The following HYAL4 variants were observed in gnomAD, a reference collection of about 807,000 sequenced individuals.
HYAL4 encodes hyaluronidase 4.
In HYAL4, 37 loss-of-function variants were observed where a neutral mutation model predicts 35.2. That is an observed-to-expected ratio of 1.05 (90% CI 0.81 to 1.38). The LOEUF is 1.38. HYAL4 is among the 40% of genes most tolerant of loss of function. The probability of loss-of-function intolerance (pLI) is 0.00; values close to 1 mark genes in which losing one functional copy is unlikely to be tolerated. For synonymous variants in HYAL4, 198 were observed against 203.2 expected, an observed-to-expected ratio of 0.97 and a Z score of 0.22; for missense variants, 572 against 572.4, an observed-to-expected ratio of 1.00 and a Z score of 0.01.
In HYAL4 at chr7:123,868,810, A is replaced by C; in HGVS notation, c.537A>C (p.Ser179=). ...KLISDMGKNV[S]ATDIEYLAKV... Reference sequence around the variant, plus strand: ...TTTCCGATATGGGAAAGAATGTATCAGCTACCGATATTGAATATTTAGCCA... The same window carrying C: ...TTTCCGATATGGGAAAGAATGTATCCGCTACCGATATTGAATATTTAGCCA... Residue 179 remains serine (S), a synonymous_variant, in exon 3 of 5, where the codon TCA becomes TCC. Coordinates refer to ENST00000223026, the MANE Select transcript of HYAL4 (RefSeq NM_012269.3). 1 of 1,614,230 alleles carries C rather than the reference A, an allele frequency of 6.2e-7. No individual in the cohort carries two copies. Among genetic ancestry groups the C allele is most frequent in the South Asian group, 1.1e-5 (1 of 91,088 alleles).
chr7:123,787,422 T>C, the HYAL4 span, among the ~76,000 whole-genome samples: 2 of 152,194 alleles, frequency 1.3e-5, no homozygotes, highest in African/African-American at 4.8e-5. Context: ...GTGGCCTGTT[T>C]GAAGGTAGGC....
At chr7:123,790,675 G>C in the HYAL4 span, 1 of 144,842 alleles carries the variant, frequency 6.9e-6, no homozygotes, top group Non-Finnish European at 1.5e-5. Flanking sequence ...TCTCTGTATC[G>C]TTCCAATTTT....
chr7:123,839,962 A>G (rs549895774), intron 1 of HYAL4, among the ~76,000 whole-genome samples: 2 of 151,892 alleles, frequency 1.3e-5, no homozygotes, highest in Admixed American at 6.6e-5. Context: ...ATGGTAGTTT[A>G]TTTTGCCATG....
the HYAL4 span, among the ~76,000 whole-genome samples, chr7:123,800,493 A>C: frequency 6.6e-6 from 1 of 150,776 alleles, no homozygotes; most frequent in African/African-American, 2.4e-5. Context: ...AAAAAAAAAA[A>C]AATTAAAAAA....
chr7:123,778,175 ATC>A, the HYAL4 span, among the ~76,000 whole-genome samples: 1 of 151,622 alleles, frequency 6.6e-6, no homozygotes, highest in Admixed American at 6.6e-5. Context: ...CTATCTATCT[ATC>A]TATCTATCTA....
the HYAL4 span, among the ~76,000 whole-genome samples, chr7:123,778,081 A>G: frequency 6.6e-6 from 1 of 152,092 alleles, no homozygotes; most frequent in Non-Finnish European, 1.5e-5. Context: ...ACTCCTATAT[A>G]CCTTTCAAGC....
chr7:123,786,749 T>TCTATCTAG, the HYAL4 span, among the ~76,000 whole-genome samples: 6 of 151,684 alleles, frequency 4.0e-5, no homozygotes, highest in African/African-American at 1.5e-4. Flanking sequence ...TATCTATCTA[T>TCTATCTAG]CTATCTTTCA....
the HYAL4 span, among the ~76,000 whole-genome samples, chr7:123,790,001 T>C: frequency 6.6e-6 from 1 of 152,094 alleles, no homozygotes. Context: ...GGCTGTTAGG[T>C]AGGGAAAATT....
chr7:123,871,822 C>T, intron 3 of HYAL4, among the ~76,000 whole-genome samples: 1 of 152,084 alleles, frequency 6.6e-6, no homozygotes, highest in African/African-American at 2.4e-5. Flanking sequence ...TTTTAACAGC[C>T]ATCAAAGCCT....
Position 123,836,641 on chromosome 7 carries a change from CT to C in HYAL4, c.-257+7527del, listed in dbSNP as rs71163705. 2.2e-3 allele frequency among the ~76,000 whole-genome samples: 325 copies of C among 150,250 alleles called. 4 individuals are homozygous for C. The Middle Eastern group carries it at 0.031, about 14-fold the overall frequency. On this transcript the variant is annotated intron_variant, in intron 1 of 4. Coordinates refer to the HYAL4 transcript ENST00000489978. ...ATTGTGTTATTTGTTGCCTGTATAT[CT>C]TTTTTTTTTCAATGTCTTTTTGTTT...
intron 2 of HYAL4, among the ~76,000 whole-genome samples, chr7:123,852,717 C>T (rs201302795): frequency 2.0e-5 from 3 of 152,098 alleles, no homozygotes; most frequent in Admixed American, 6.6e-5. Flanking sequence ...CTTGGCTATA[C>T]AGGCTCTTTT....
intron 1 of HYAL4, among the ~76,000 whole-genome samples, chr7:123,837,218 G>A (rs1805978643): frequency 6.6e-6 from 1 of 152,096 alleles, no homozygotes; most frequent in African/African-American, 2.4e-5. Flanking sequence ...GTTTAAGAGG[G>A]CTGAAGATAG....
chr7:123,764,783 A>G, the HYAL4 span, among the ~76,000 whole-genome samples: 1 of 152,228 alleles, frequency 6.6e-6, no homozygotes, highest in African/African-American at 2.4e-5. Context: ...CTCTGTAGCC[A>G]GGTAAGTGCC....
At chr7:123,866,789 CTTTTTTTTTT>C (rs1009764748) in intron 2 of HYAL4, among the ~76,000 whole-genome samples, 204 of 134,180 alleles carry the variant, frequency 1.5e-3, no homozygotes, top group Admixed American at 4.6e-3. Context: ...CTTTCTCTCT[CTTTTTTTTTT>C]TTTTTTTTTT....
the HYAL4 span, among the ~76,000 whole-genome samples, chr7:123,781,536 C>T: frequency 4.6e-5 from 7 of 150,588 alleles, no homozygotes; most frequent in South Asian, 1.5e-3. Flanking sequence ...GTGTCTTTTT[C>T]TTTTCCAAAT....
chr7:123,865,815 A>G (rs747563610), intron 2 of HYAL4, among the ~76,000 whole-genome samples: 1 of 152,196 alleles, frequency 6.6e-6, no homozygotes, highest in South Asian at 2.1e-4. Flanking sequence ...TAATGAAAAC[A>G]TTCCTGAGAC....
intron 1 of HYAL4, among the ~76,000 whole-genome samples, chr7:123,833,975 T>C (rs1805922276): frequency 6.6e-6 from 1 of 152,186 alleles, no homozygotes; most frequent in Non-Finnish European, 1.5e-5. Flanking sequence ...TTATGCTGTT[T>C]TGGTGACGAT....
At chr7:123,819,889 T>A in the HYAL4 span, among the ~76,000 whole-genome samples, 1 of 148,916 alleles carries the variant, frequency 6.7e-6, no homozygotes, top group Non-Finnish European at 1.5e-5. Flanking sequence ...ATAATTCTTT[T>A]TTTTTCTTTT....
intron 1 of HYAL4, among the ~76,000 whole-genome samples, chr7:123,833,798 C>T (rs970078190): frequency 6.6e-6 from 1 of 152,144 alleles, no homozygotes; most frequent in Non-Finnish European, 1.5e-5. Flanking sequence ...TATTTTCCTA[C>T]TTGTGACTTG....
Sources: allele counts gnomAD v4.1 joint callset (sites outside exome capture counted in the v4.1 genomes callset), GRCh38; gene constraint gnomAD v4.1.1; transcripts MANE v1.5; gene names NCBI Gene and HGNC (gene_info 2026-07-23, HGNC 2026-07-21).